The following KIAA0930 variants were observed in gnomAD, a reference collection of about 807,000 sequenced individuals.
KIAA0930 encodes the protein KIAA0930, also known as uncharacterized protein KIAA0930.
Under a neutral mutation model 43.9 loss-of-function variants are expected in KIAA0930, and 24 were observed. The ratio of observed to expected loss-of-function variants is 0.55; its 90% CI spans 0.40 to 0.77. The LOEUF (loss-of-function observed/expected upper bound fraction) is 0.77. KIAA0930 is among the 30% of genes least tolerant of loss of function. The pLI is 0.00. For missense variants in KIAA0930, 461 were observed against 574.2 expected (o/e 0.80, Z 2.02); for synonymous variants, 259 against 216.4 (o/e 1.20, Z -1.73).
intron 4 of KIAA0930, 134 bp downstream of exon 4, chr22:45,205,496 G>A: frequency 4.3e-6 from 4 of 930,378 alleles, no homozygotes; most frequent in Middle Eastern, 2.9e-4. Flanking sequence ...CGGGATCCCA[G>A]GAGCTGAGCA....
intron 1 of KIAA0930, among the ~76,000 whole-genome samples, chr22:45,219,748 G>A (rs1382670623): frequency 2.0e-5 from 3 of 151,838 alleles, no homozygotes; most frequent in Non-Finnish European, 2.9e-5. Flanking sequence ...TGCACCACCA[G>A]ACCCAGCTAA....
At chr22:45,198,480 G>C (rs377183819) in intron 8 of KIAA0930, among the ~76,000 whole-genome samples, 1 of 152,222 alleles carries the variant, frequency 6.6e-6, no homozygotes, top group East Asian at 1.9e-4. Flanking sequence ...AGCAGGTCGA[G>C]GCCAGTGCTG....
chr22:45,221,560 T>C (rs1475233703), intron 1 of KIAA0930, among the ~76,000 whole-genome samples: 3 of 152,178 alleles, frequency 2.0e-5, no homozygotes, highest in South Asian at 2.1e-4. Flanking sequence ...TTCAATGCTA[T>C]ACATTTAGTT....
chr22:45,212,121 C>T lies in KIAA0930; in HGVS notation c.65-14G>A, dbSNP rs371417163. 91 of 1,613,730 alleles carry T rather than the reference C, an allele frequency of 5.6e-5. No homozygotes were observed. In the African/African-American group the frequency reaches 1.2e-3, roughly 21 times the overall value. The stretch of plus-strand genomic sequence containing the variant: ...CCTTGAAGCACCCTGCAGAGGGAGG[C>T]CAGACAGGAGTGAGGAAGGACGGCC... On this transcript the variant is annotated splice_polypyrimidine_tract_variant and intron_variant, in intron 1 of 9. Coordinates refer to ENST00000336156, the MANE Select transcript of KIAA0930 (RefSeq NM_001009880.2).
In KIAA0930 at chr22:45,197,004, T is replaced by C; in HGVS notation, c.*172A>G. The C allele has an allele frequency of 1.8e-6, 1 of 566,450 alleles. No individual in the cohort carries two copies. Among genetic ancestry groups the C allele is most frequent in the Non-Finnish European group, 3.1e-6 (1 of 322,838 alleles). 35.1% of individuals were successfully genotyped at this position (566,450 alleles called of 1,614,324 possible). A position where few individuals can be genotyped will look rare whatever the true frequency, so the allele number is the denominator to read the frequency against. On this transcript the variant is annotated 3_prime_UTR_variant, in exon 10 of 10. Transcript: ENST00000336156. ...AGGGGAGGGAAGAGGCACTTCAGTTTGGGCTGGTGTTCGTGGAGTCGGCCC... is the reference window on the plus strand; with the variant it reads ...AGGGGAGGGAAGAGGCACTTCAGTTCGGGCTGGTGTTCGTGGAGTCGGCCC...
Position 45,203,109 on chromosome 22 carries a change from T to C in KIAA0930, c.733A>G (p.Met245Val). 2 of 1,613,766 alleles carry C rather than the reference T, an allele frequency of 1.2e-6. No homozygotes were observed. Among genetic ancestry groups the C allele is most frequent in the South Asian group, 2.2e-5 (2 of 91,042 alleles). ...TGGCCCTTGCCCTGGGGGCCCTTCA[T>C]GCGCACAAACTCCATGTTGCTGTAC... is the stretch of plus-strand genomic sequence containing the variant. ...YKYSNMEFVR[M>V]KGPQGKGHAE... Residue 245 changes from methionine to valine, a missense_variant, in exon 7 of 10, where the codon ATG becomes GTG. Coordinates refer to ENST00000336156, the MANE Select transcript of KIAA0930 (RefSeq NM_001009880.2).
chr22:45,237,633 T>C (rs1356159309), intron 1 of KIAA0930, among the ~76,000 whole-genome samples: 1 of 152,232 alleles, frequency 6.6e-6, no homozygotes, highest in Non-Finnish European at 1.5e-5. Flanking sequence ...AGCAGGTTTC[T>C]GAGTAACCCA....
intron 1 of KIAA0930, chr22:45,226,638 G>A (rs767431768): frequency 2.6e-5 from 6 of 232,984 alleles, no homozygotes; most frequent in Non-Finnish European, 4.5e-5. Context: ...CCTGTTTTCT[G>A]TGAGATCATC....
intron 1 of KIAA0930, among the ~76,000 whole-genome samples, chr22:45,213,719 C>A (rs1339896848): frequency 6.6e-6 from 1 of 152,224 alleles, no homozygotes; most frequent in South Asian, 2.1e-4. Context: ...TCTTTAAAAA[C>A]CAGCCCTTGG....
At chr22:45,232,489 C>A (rs1006377274) in intron 1 of KIAA0930, among the ~76,000 whole-genome samples, 4 of 152,236 alleles carry the variant, frequency 2.6e-5, no homozygotes, top group Non-Finnish European at 1.5e-5. Flanking sequence ...GATCAGGCAG[C>A]CAGCCCTCCT....
At chr22:45,226,563 CCAGA>C (rs1023564975) in intron 1 of KIAA0930, among the ~76,000 whole-genome samples, 6 of 152,002 alleles carry the variant, frequency 3.9e-5, no homozygotes, top group African/African-American at 1.2e-4. Context: ...ACAGCTGTTT[CCAGA>C]CAGTTTCAAT....
intron 1 of KIAA0930, among the ~76,000 whole-genome samples, chr22:45,233,400 G>A (rs1054455269): frequency 3.9e-5 from 6 of 152,162 alleles, no homozygotes; most frequent in Non-Finnish European, 5.9e-5. Context: ...GTGCTAGGCC[G>A]AGTTCCCCAG....
At chr22:45,203,369 G>A (rs910137184) in intron 6 of KIAA0930, among the ~76,000 whole-genome samples, 185 bp from the exon 7 acceptor site, 12 of 152,088 alleles carry the variant, frequency 7.9e-5, no homozygotes, top group African/African-American at 2.7e-4. Context: ...GCCCCTCCTG[G>A]TGCCCCTCCC....
intron 8 of KIAA0930, among the ~76,000 whole-genome samples, 181 bp downstream of exon 8, chr22:45,199,692 C>T (rs1431935661): frequency 6.6e-6 from 1 of 152,228 alleles, no homozygotes; most frequent in East Asian, 1.9e-4. Flanking sequence ...CAGAGGCAGC[C>T]ATTTCTGCCT....
chr22:45,225,138 C>T (rs1372172371), intron 1 of KIAA0930, among the ~76,000 whole-genome samples: 2 of 152,094 alleles, frequency 1.3e-5, no homozygotes, highest in Admixed American at 6.5e-5. Context: ...TAAGCCTCCG[C>T]ACCCAGGCAG....
At chr22:45,239,762 G>A (rs992577858) in intron 1 of KIAA0930, among the ~76,000 whole-genome samples, 9 of 152,230 alleles carry the variant, frequency 5.9e-5, no homozygotes, top group African/African-American at 2.2e-4. Flanking sequence ...CCCCAGCCTA[G>A]CCTGGGGGTG....
At chr22:45,200,195 G>A in intron 7 of KIAA0930, 160 bp from the exon 8 acceptor site, 1 of 630,002 alleles carries the variant, frequency 1.6e-6, no homozygotes, top group South Asian at 3.0e-5. Context: ...TGCTAGGTGG[G>A]GCCTAGAGAC....
rs780119054 is a variant in KIAA0930 at position 45,203,865 on chromosome 22, T to G, written c.637A>C (p.Lys213Gln). Reference protein sequence around the residue: ...FQGSIRYEALKKVYDNRVSVA... With the variant: ...FQGSIRYEALQKVYDNRVSVA... Reference sequence around the variant, plus strand: ...CTCACCCGGTTGTCATACACCTTCTTGAGCGCCTCGTAGCGGATGGAGCCC... The same window carrying G: ...CTCACCCGGTTGTCATACACCTTCTGGAGCGCCTCGTAGCGGATGGAGCCC... The change falls in exon 6 of 10, where the codon AAG becomes CAG. Residue 213 changes from lysine (K) to glutamine (Q), a missense_variant. Transcript: ENST00000336156. 9 of 1,613,922 alleles carry G rather than the reference T, an allele frequency of 5.6e-6. No homozygotes were observed. The highest frequency in any genetic ancestry group is 7.6e-6 in the Non-Finnish European group (9 of 1,179,946).
chr22:45,207,834 C>T (rs1339569626), intron 2 of KIAA0930: 3 of 169,400 alleles, frequency 1.8e-5, no homozygotes, highest in Non-Finnish European at 4.4e-5. Context: ...GTCCCCGGGT[C>T]GGGGGGCCCC....
Sources: gnomAD v4.1 joint callset for allele counts (sites outside exome capture counted in the v4.1 genomes callset) on GRCh38, gnomAD v4.1.1 for gene constraint, MANE v1.5 for transcripts, NCBI Gene and HGNC (gene_info 2026-07-23, HGNC 2026-07-21) for gene names.